OGDHL: variants seen among roughly 807,000 people sequenced by gnomAD.
OGDHL encodes 2-oxoglutarate dehydrogenase-like, mitochondrial.
In OGDHL, 79 loss-of-function variants were observed where a neutral mutation model predicts 109.6. That is an observed-to-expected ratio of 0.72 (90% confidence interval 0.60 to 0.87). The LOEUF (loss-of-function observed/expected upper bound fraction) is 0.87, where lower values mean the gene tolerates loss of function less well. Ranked by LOEUF, OGDHL falls within the 40% of genes least tolerant of loss-of-function variation. The probability of loss-of-function intolerance (pLI) is 0.00; values close to 1 mark genes in which losing one functional copy is unlikely to be tolerated. For synonymous variants in OGDHL, 528 were observed against 537.2 expected (o/e 0.98, Z 0.24); for missense variants, 1,275 against 1,362.2 (o/e 0.94, Z 1.01).
intron 8 of OGDHL, among the ~76,000 whole-genome samples, chr10:49,748,490 T>G (rs954519234): frequency 5.3e-5 from 8 of 152,224 alleles, no homozygotes; most frequent in African/African-American, 1.4e-4. Context: ...AGCTTTGTTC[T>G]GTTTTGTTGT....
intron 10 of OGDHL, 123 bp downstream of exon 10, chr10:49,746,627 T>C: frequency 7.7e-7 from 1 of 1,305,572 alleles, no homozygotes; most frequent in South Asian, 1.4e-5. Flanking sequence ...AGCAGGGTCC[T>C]GCCTGGTAAG....
Position 49,738,290 on chromosome 10 carries a change from C to A in OGDHL, c.2320-28G>T, listed in dbSNP as rs748147502. ...GAAAGCAAACGCCAGACAGCCAAGG[C>A]TGGACCCCACCATGGGAAAGACATC... On this transcript the variant is annotated intron_variant, in intron 17 of 22. Coordinates refer to ENST00000374103, the MANE Select transcript of OGDHL (RefSeq NM_018245.3). The A allele has an allele frequency of 1.7e-5, 27 of 1,611,302 alleles. No individual in the cohort carries two copies. The African/African-American group carries it at 2.0e-4, about 12-fold the overall frequency.
intron 21 of OGDHL, 83 bp from the exon 22 acceptor site, chr10:49,736,260 A>G: frequency 1.3e-6 from 2 of 1,579,006 alleles, no homozygotes; most frequent in Admixed American, 1.7e-5. Context: ...ACAGGGCCTC[A>G]CCGGCCTTCA....
chr10:49,753,835 A>G (rs1004286510), intron 3 of OGDHL, among the ~76,000 whole-genome samples: 2 of 145,424 alleles, frequency 1.4e-5, no homozygotes, highest in African/African-American at 5.1e-5. Flanking sequence ...GGCTGCAGTG[A>G]GCTGAGGTCG....
chr10:49,749,458 G>C (rs900721385), intron 8 of OGDHL, among the ~76,000 whole-genome samples: 1 of 152,150 alleles, frequency 6.6e-6, no homozygotes, highest in African/African-American at 2.4e-5. Context: ...GCAAGCCTTT[G>C]CATCTTTGGG....
intron 15 of OGDHL, among the ~76,000 whole-genome samples, chr10:49,742,555 CCACA>C (rs1466158122): frequency 9.2e-6 from 1 of 108,176 alleles, no homozygotes; most frequent in East Asian, 3.2e-4. Context: ...CACAACTCGC[CCACA>C]CTCACCACAC....
intron 12 of OGDHL, among the ~76,000 whole-genome samples, chr10:49,745,037 C>T (rs555587953): frequency 1.8e-4 from 28 of 152,316 alleles, no homozygotes; most frequent in South Asian, 1.2e-3. Context: ...GGTGGAAGGA[C>T]GAACACTCCA....
chr10:49,756,452 TTAATC>T (rs1406782349), intron 3 of OGDHL: 5 of 207,766 alleles, frequency 2.4e-5, no homozygotes, highest in Non-Finnish European at 3.8e-5. Context: ...TTAACAAGGG[TTAATC>T]TACTCACCCC....
rs746019418 is a variant in OGDHL at position 49,737,873 on chromosome 10, C to T, written c.2518-15G>A. The T allele has an allele frequency of 1.2e-6, 2 of 1,614,192 alleles. No individual in the cohort carries two copies. The highest frequency in any genetic ancestry group is 1.7e-6 in the Non-Finnish European group (2 of 1,180,036). On this transcript the variant is annotated splice_polypyrimidine_tract_variant and intron_variant, in intron 19 of 22. Transcript: ENST00000374103. ...AAGATAATCAGCTGGAAGGGAAATA[C>T]ACGCCCAGCTGCCAGCTGGCCCTGC...
chr10:49,738,370 G>C (rs1409537002), intron 17 of OGDHL, 108 bp from the exon 18 acceptor site: 2 of 1,142,874 alleles, frequency 1.7e-6, no homozygotes, highest in Non-Finnish European at 2.6e-6. Context: ...TCTCAGCAGA[G>C]GTGCCCTCAC....
chr10:49,745,558 G>T, intron 11 of OGDHL, 62 bp from the exon 12 acceptor site: 1 of 1,596,314 alleles, frequency 6.3e-7, no homozygotes, highest in Non-Finnish European at 8.5e-7. Context: ...TGTAGCTGCT[G>T]CAAAATTGGG....
At chr10:49,752,602 C>CA (rs11415019) in intron 4 of OGDHL, 36 bp downstream of exon 4, 59,394 of 1,575,802 alleles carry the variant, frequency 0.038, 1,499 homozygotes, top group South Asian at 0.093. Context: ...GCCACCCACA[C>CA]AGCACTGCCA....
rs1318368256 is a variant in OGDHL at position 49,762,266 on chromosome 10, A to C, written c.-29T>G. The C allele has an allele frequency of 6.6e-6, 1 of 152,128 alleles. No individual in the cohort carries two copies. Among genetic ancestry groups the C allele is most frequent in the Non-Finnish European group, 1.5e-5 (1 of 68,032 alleles). The allele number at this position is 152,128 out of a possible 1,614,324, so 9.4% of individuals were successfully genotyped here. A position where few individuals can be genotyped will look rare whatever the true frequency, so the allele number is the denominator to read the frequency against. ...GGCGGGCGGGCCGGGTCCGCGCTGC[A>C]GCGAGGTCCGGAGGCTGCAGGTCAG... On this transcript the variant is annotated 5_prime_UTR_variant, in exon 1 of 23. Transcript: ENST00000374103.
intron 17 of OGDHL, 25 bp from the exon 18 acceptor site, chr10:49,738,287 A>C (rs1478831340): frequency 6.2e-7 from 1 of 1,611,674 alleles, no homozygotes; most frequent in Non-Finnish European, 8.5e-7. Flanking sequence ...CAGACAGCCA[A>C]GGCTGGACCC....
Position 49,735,051 on chromosome 10 carries a change from T to G in OGDHL, c.*177A>C, listed in dbSNP as rs1242540813. 1.4e-6 allele frequency: 1 copy of G among 703,032 alleles called. No homozygotes were observed. Among genetic ancestry groups the G allele is most frequent in the Non-Finnish European group, 2.3e-6 (1 of 435,760 alleles). The allele number at this position is 703,032 out of a possible 1,614,324, so 43.5% of individuals were successfully genotyped here. On this transcript the variant is annotated 3_prime_UTR_variant, in exon 23 of 23. Coordinates refer to ENST00000374103, the MANE Select transcript of OGDHL (RefSeq NM_018245.3). The stretch of plus-strand genomic sequence containing the variant: ...ACTCCTCTGGCTCCCTCAGTCCTGG[T>G]AGATTCTGGCATGACACCAAGGCCA...
In OGDHL at chr10:49,747,019, G is replaced by A; in HGVS notation, c.1167+10C>T. On this transcript the variant is annotated intron_variant, in intron 9 of 22. Coordinates refer to ENST00000374103, the MANE Select transcript of OGDHL (RefSeq NM_018245.3). ...GCCCAGGTCCTCTGGGTTCCCCCAG[G>A]TGAGCTCACCTTCTTGCCCTGGGCA... 1.9e-6 allele frequency: 3 copies of A among 1,613,378 alleles called. No individual in the cohort carries two copies. Among genetic ancestry groups the A allele is most frequent in the South Asian group, 1.1e-5 (1 of 91,020 alleles).
In OGDHL at chr10:49,737,975, C is replaced by T. The variant is rs772974122; in HGVS notation, c.2489G>A (p.Arg830Gln). Residue 830 changes from arginine (R) to glutamine (Q), a missense_variant, in exon 19 of 23, where the codon CGG becomes CAG. Arg to Gln is a conservative substitution (Grantham distance 43). Transcript: ENST00000374103. ...TPANYFHVLR[R>Q]QILLPFRKPL... ...CTTGCGGAAGGGCAGCAGGATCTGCCGGCGCAGCACGTGGAAGTAGTTGGC... is the reference window on the plus strand; with the variant it reads ...CTTGCGGAAGGGCAGCAGGATCTGCTGGCGCAGCACGTGGAAGTAGTTGGC... 28 of 1,614,058 alleles carry T rather than the reference C, an allele frequency of 1.7e-5. No homozygotes were observed. Among genetic ancestry groups the T allele is most frequent in the African/African-American group, 5.3e-5 (4 of 74,928 alleles).
In OGDHL at chr10:49,752,637, C is replaced by A; in HGVS notation, c.478+1G>T. ...ATGGCCGTCCTGAGGAAGGGTCTTA[C>A]CCAGTTTATCAATGGTTGTGATCAA... On this transcript the variant is annotated splice_donor_variant, in intron 4 of 22. Transcript: ENST00000374103. LOFTEE classifies it high-confidence loss of function. The A allele has an allele frequency of 6.2e-7, 1 of 1,613,628 alleles. No homozygotes were observed. Among genetic ancestry groups the A allele is most frequent in the Non-Finnish European group, 8.5e-7 (1 of 1,179,512 alleles).
chr10:49,747,311 C>T (rs1483017490), intron 8 of OGDHL, 103 bp from the exon 9 acceptor site: 9 of 1,276,178 alleles, frequency 7.1e-6, no homozygotes, highest in South Asian at 4.1e-5. Context: ...CACATTCCCC[C>T]GATCCCACTG....
Sources: allele counts gnomAD v4.1 joint callset (sites outside exome capture counted in the v4.1 genomes callset), GRCh38; gene constraint gnomAD v4.1.1; transcripts MANE v1.5; gene names NCBI Gene and HGNC (gene_info 2026-07-23, HGNC 2026-07-21).